TBC1D5: variants seen among roughly 807,000 people sequenced by gnomAD.
TBC1D5 encodes TBC1 domain family, member 5.
TBC1D5 carries 75 observed loss-of-function variants against 100.3 expected under a neutral mutation model. That is an observed-to-expected ratio of 0.75 (90% CI 0.62 to 0.91). The LOEUF (loss-of-function observed/expected upper bound fraction) is 0.91, where lower values mean the gene tolerates loss of function less well. Among genes scored for constraint, TBC1D5 ranks in the 40% least tolerant of loss-of-function variants. TBC1D5 has a pLI of 0.00. For synonymous variants in TBC1D5, 323 were observed against 325.6 expected (o/e 0.99, Z 0.09); for missense variants, 910 against 942.4 (o/e 0.97, Z 0.45).
intron 8 of TBC1D5, among the ~76,000 whole-genome samples, chr3:17,384,255 A>G (rs1481517206): frequency 6.6e-6 from 1 of 152,098 alleles, no homozygotes; most frequent in East Asian, 1.9e-4. Context: ...CACATGCTTC[A>G]TATACTTCAC....
chr3:17,376,730 T>A, intron 9 of TBC1D5, 117 bp from the exon 10 acceptor site: 1 of 707,398 alleles, frequency 1.4e-6, no homozygotes. Flanking sequence ...ATTTCCACAT[T>A]ACATAGAAAC....
chr3:17,534,774 C>T (rs1347217181), intron 2 of TBC1D5, among the ~76,000 whole-genome samples: 2 of 152,076 alleles, frequency 1.3e-5, no homozygotes, highest in Non-Finnish European at 2.9e-5. Context: ...TTTAAAGGAA[C>T]TAATGTATTA....
At chr3:17,285,123 C>CA (rs1016317381) in intron 15 of TBC1D5, among the ~76,000 whole-genome samples, 2 of 150,402 alleles carry the variant, frequency 1.3e-5, no homozygotes, top group African/African-American at 2.4e-5. Context: ...AACATCATCA[C>CA]AAAAAATTGG....
chr3:17,190,069 T>C (rs1040357924), intron 18 of TBC1D5, among the ~76,000 whole-genome samples: 2 of 152,220 alleles, frequency 1.3e-5, no homozygotes, highest in Non-Finnish European at 2.9e-5. Flanking sequence ...TTAAATTTAA[T>C]ATGTCAATTT....
chr3:17,479,536 T>A (rs191503575), intron 3 of TBC1D5, among the ~76,000 whole-genome samples: 2 of 152,282 alleles, frequency 1.3e-5, no homozygotes, highest in Admixed American at 1.3e-4. Flanking sequence ...GGAATAAACA[T>A]GTTTGAACTT....
At chr3:17,309,807 A>C (rs911219272) in intron 13 of TBC1D5, among the ~76,000 whole-genome samples, 11 of 152,134 alleles carry the variant, frequency 7.2e-5, no homozygotes, top group African/African-American at 2.7e-4. Context: ...TGGGCACAGC[A>C]AAAAAGTACA....
chr3:17,239,690 A>G (rs1461385211), intron 16 of TBC1D5, among the ~76,000 whole-genome samples: 4 of 152,082 alleles, frequency 2.6e-5, no homozygotes, highest in Non-Finnish European at 4.4e-5. Flanking sequence ...TTTCTCTCTC[A>G]TATTTTGTCT....
intron 18 of TBC1D5, among the ~76,000 whole-genome samples, chr3:17,197,315 C>CT (rs557881623): frequency 6.6e-6 from 1 of 151,226 alleles, no homozygotes. Flanking sequence ...CACTGATGAC[C>CT]TTTTTTTTTA....
At chr3:17,487,936 C>G (rs2095590820) in intron 3 of TBC1D5, among the ~76,000 whole-genome samples, 1 of 152,146 alleles carries the variant, frequency 6.6e-6, no homozygotes. Flanking sequence ...TAACATCTTC[C>G]ATTAGTATAG....
intron 2 of TBC1D5, among the ~76,000 whole-genome samples, chr3:17,553,802 T>C (rs2096493330): frequency 6.6e-6 from 1 of 152,184 alleles, no homozygotes; most frequent in Non-Finnish European, 1.5e-5. Flanking sequence ...ACCAAAACAT[T>C]TAGTCCCCTT....
chr3:17,208,811 T>C lies in TBC1D5; in HGVS notation c.1752+5396A>G, dbSNP rs1249062168. On this transcript the variant is annotated intron_variant, in intron 18 of 21. Transcript: ENST00000253692. ...AGAATGCAAATGAAACCTGTCTCCA[T>C]ATGCCTTTCTCATTTGTTATTCTCT... Among the ~76,000 whole-genome samples, 11 of 152,242 alleles carry C rather than the reference T, an allele frequency of 7.2e-5. No individual in the cohort carries two copies. The East Asian group carries it at 2.1e-3, about 29-fold the overall frequency.
At chr3:17,583,388 CAA>C (rs746289820) in intron 2 of TBC1D5, among the ~76,000 whole-genome samples, 1 of 144,112 alleles carries the variant, frequency 6.9e-6, no homozygotes. Flanking sequence ...TCCTGATAAT[CAA>C]AAAAAAAAAT....
At chr3:17,704,976 G>A (rs2073838308) in intron 1 of TBC1D5, among the ~76,000 whole-genome samples, 1 of 121,870 alleles carries the variant, frequency 8.2e-6, no homozygotes, top group Non-Finnish European at 1.8e-5. Context: ...TCACCTCCCA[G>A]ACGGGGCGGC....
At chr3:17,380,832 A>C (rs1235726332) in intron 9 of TBC1D5, among the ~76,000 whole-genome samples, 1 of 152,094 alleles carries the variant, frequency 6.6e-6, no homozygotes, top group African/African-American at 2.4e-5. Flanking sequence ...TGCAATTTCA[A>C]TTAACTCAGC....
intron 13 of TBC1D5, among the ~76,000 whole-genome samples, chr3:17,315,404 C>G (rs1266652025): frequency 6.6e-6 from 1 of 152,158 alleles, no homozygotes; most frequent in Non-Finnish European, 1.5e-5. Context: ...TTGCCCACTC[C>G]CCATGTAGAA....
intron 2 of TBC1D5, among the ~76,000 whole-genome samples, chr3:17,549,718 G>C (rs957899823): frequency 6.6e-6 from 1 of 152,120 alleles, no homozygotes; most frequent in Non-Finnish European, 1.5e-5. Flanking sequence ...ATCACTTGAG[G>C]TCAGGAGTTC....
At chr3:17,158,210 G>A (rs766453350) in exon 22 of TBC1D5, 10 of 152,198 alleles carry the variant, frequency 6.6e-5, no homozygotes, top group Non-Finnish European at 1.2e-4. Flanking sequence ...AGGAATGCAT[G>A]AAACACATAG....
At position 17,665,006 on chromosome 3, in the gene TBC1D5, G is replaced by GT. The variant is rs1489039049; in HGVS notation, c.-100-41094dup. The stretch of plus-strand genomic sequence containing the variant: ...TAGAATTTGTCTACCAGGCTTTCTG[G>GT]TTTTTACCGGAAAGCCCCGCTATTT... On this transcript the variant is annotated intron_variant, in intron 1 of 21. Coordinates refer to ENST00000253692, the Ensembl canonical transcript of TBC1D5. 3 of 125,278 alleles carry GT rather than the reference G, an allele frequency of 2.4e-5. No individual in the cohort carries two copies. The East Asian group carries it at 8.7e-4, about 36-fold the overall frequency. The allele number at this position is 125,278 out of a possible 1,614,324, so 7.8% of individuals were successfully genotyped here. A position where few individuals can be genotyped will look rare whatever the true frequency, so the allele number is the denominator to read the frequency against.
chr3:17,529,548 T>C (rs2096189175), intron 2 of TBC1D5, among the ~76,000 whole-genome samples: 1 of 152,118 alleles, frequency 6.6e-6, no homozygotes. Context: ...CATATATACA[T>C]ATATGTGTAT....
Sources: allele counts gnomAD v4.1 joint callset (sites outside exome capture counted in the v4.1 genomes callset), GRCh38; gene constraint gnomAD v4.1.1; transcripts MANE v1.5; gene names NCBI Gene and HGNC (gene_info 2026-07-23, HGNC 2026-07-21).